Variants in PRICKLE2 observed in about 807,000 individuals in gnomAD.
PRICKLE2 encodes prickle planar cell polarity protein 2.
A neutral mutation model predicts 81.4 loss-of-function variants in PRICKLE2; 21 were observed. That is an observed-to-expected ratio of 0.26 (90% confidence interval 0.18 to 0.37). The LOEUF is 0.37. Among genes scored for constraint, PRICKLE2 ranks in the 10% least tolerant of loss-of-function variants. PRICKLE2 has a pLI of 1.00. For missense variants in PRICKLE2, 940 were observed against 1,109.0 expected (o/e 0.85, Z 2.16); for synonymous variants, 456 against 421.5 (o/e 1.08, Z -1.00).
intron 2 of PRICKLE2, among the ~76,000 whole-genome samples, chr3:64,249,960 G>A (rs1450262432): frequency 1.3e-5 from 2 of 152,230 alleles, no homozygotes. Flanking sequence ...TGGTTTGACA[G>A]AAGCTTAATG....
At chr3:64,231,328 A>C (rs1450198343) in intron 2 of PRICKLE2, among the ~76,000 whole-genome samples, 1 of 152,222 alleles carries the variant, frequency 6.6e-6, no homozygotes, top group Non-Finnish European at 1.5e-5. Flanking sequence ...GCACATTTCC[A>C]TGAAAATATT....
At chr3:64,220,431 G>C (rs979134813) in intron 1 of PRICKLE2, among the ~76,000 whole-genome samples, 6 of 152,166 alleles carry the variant, frequency 3.9e-5, no homozygotes, top group Non-Finnish European at 7.4e-5. Flanking sequence ...AGGCAGGCTG[G>C]GTGCTGGGTT....
chr3:64,130,736 A>G (rs954325549), intron 7 of PRICKLE2, among the ~76,000 whole-genome samples: 3 of 152,170 alleles, frequency 2.0e-5, no homozygotes, highest in Non-Finnish European at 4.4e-5. Context: ...TGGTAGAATT[A>G]TTGGACAATT....
chr3:64,215,150 T>C (rs1011319219), intron 1 of PRICKLE2, among the ~76,000 whole-genome samples: 1 of 152,148 alleles, frequency 6.6e-6, no homozygotes, highest in African/African-American at 2.4e-5. Flanking sequence ...CACAAACTCC[T>C]TAACCATAGC....
Position 64,092,607 on chromosome 3 carries a change from T to A in PRICKLE2, c.*6444A>T, listed in dbSNP as rs889579783. ...CTTGGTCCTGGCTCCCAGTCAGTGT[T>A]AATGCTGCCCTAACCAGAACACAGA... On this transcript the variant is annotated 3_prime_UTR_variant, in exon 8 of 8. Transcript: ENST00000638394. 3.3e-5 allele frequency: 5 copies of A among 152,240 alleles called. No homozygotes were observed. Among genetic ancestry groups the A allele is most frequent in the South Asian group, 4.1e-4 (2 of 4,838 alleles). 9.4% of individuals were successfully genotyped at this position (152,240 alleles called of 1,614,324 possible). A position where few individuals can be genotyped will look rare whatever the true frequency, so the allele number is the denominator to read the frequency against.
intron 2 of PRICKLE2, among the ~76,000 whole-genome samples, chr3:64,165,966 GTGTGTGTGTGTGTGTGTGTGTGTGTGT>G (rs2077823289): frequency 8.2e-6 from 1 of 121,316 alleles, no homozygotes; most frequent in South Asian, 2.4e-4. Flanking sequence ...TTATAAAGGT[GTGTGTGTGTGTGTGTGTGTGTGTGTGT>G]GTGTGTGTGT....
intron 2 of PRICKLE2, among the ~76,000 whole-genome samples, chr3:64,195,324 G>A (rs559631528): frequency 2.0e-4 from 30 of 152,218 alleles, no homozygotes; most frequent in African/African-American, 7.0e-4. Flanking sequence ...GTCCGTATTC[G>A]AGAACACTTC....
At chr3:64,221,698 G>T (rs570101156) in intron 1 of PRICKLE2, among the ~76,000 whole-genome samples, 1 of 152,260 alleles carries the variant, frequency 6.6e-6, no homozygotes, top group African/African-American at 2.4e-5. Flanking sequence ...AAGCACAAAA[G>T]AAAGTCTTTA....
chr3:64,247,077 T>C (rs943657951), intron 2 of PRICKLE2, among the ~76,000 whole-genome samples: 1 of 152,222 alleles, frequency 6.6e-6, no homozygotes, highest in Non-Finnish European at 1.5e-5. Context: ...AAACAGGTCA[T>C]GTGACTTGTC....
intron 7 of PRICKLE2, among the ~76,000 whole-genome samples, chr3:64,131,716 C>T (rs1224958456): frequency 1.3e-5 from 2 of 152,182 alleles, no homozygotes; most frequent in Admixed American, 6.5e-5. Context: ...TAAGAGTTCA[C>T]AGATATTTTT....
intron 2 of PRICKLE2, among the ~76,000 whole-genome samples, chr3:64,171,624 G>C (rs1027968493): frequency 6.6e-6 from 1 of 152,208 alleles, no homozygotes; most frequent in African/African-American, 2.4e-5. Context: ...ATAAGTGTTT[G>C]TTGAATGGAT....
intron 7 of PRICKLE2, among the ~76,000 whole-genome samples, chr3:64,127,973 T>G (rs1305712662): frequency 6.6e-6 from 1 of 152,040 alleles, no homozygotes; most frequent in Non-Finnish European, 1.5e-5. Flanking sequence ...AGGGCAGATT[T>G]ATTGAACAGC....
intron 1 of PRICKLE2, among the ~76,000 whole-genome samples, chr3:64,203,812 A>AC (rs1171931049): frequency 7.9e-6 from 1 of 126,074 alleles, no homozygotes; most frequent in Non-Finnish European, 1.6e-5. Flanking sequence ...CACTAAAAAT[A>AC]CAAAAAAAAA....
At chr3:64,264,153 A>G (rs2079659900) in intron 2 of PRICKLE2, among the ~76,000 whole-genome samples, 2 of 151,888 alleles carry the variant, frequency 1.3e-5, no homozygotes, top group Non-Finnish European at 2.9e-5. Context: ...TTGGAATTAG[A>G]CAGTTGTAGG....
At chr3:64,260,113 C>T (rs2079594733) in intron 2 of PRICKLE2, among the ~76,000 whole-genome samples, 1 of 152,170 alleles carries the variant, frequency 6.6e-6, no homozygotes, top group Non-Finnish European at 1.5e-5. Flanking sequence ...CTATGTCATG[C>T]TTATTGTCCC....
chr3:64,163,908 G>C (rs2077777012), intron 2 of PRICKLE2: 1 of 136,726 alleles, frequency 7.3e-6, no homozygotes, highest in African/African-American at 2.7e-5. Context: ...TAATACAGAA[G>C]GTATGTTATT....
intron 7 of PRICKLE2, among the ~76,000 whole-genome samples, chr3:64,143,950 A>ATTTT (rs34605013): frequency 9.1e-5 from 13 of 143,324 alleles, no homozygotes; most frequent in Non-Finnish European, 2.0e-4. Context: ...CCAAGGCCTC[A>ATTTT]TTTTTTTTTT....
chr3:64,249,480 T>A (rs2079411233), intron 2 of PRICKLE2, among the ~76,000 whole-genome samples: 1 of 152,186 alleles, frequency 6.6e-6, no homozygotes, highest in Non-Finnish European at 1.5e-5. Context: ...TGTAGTAGAC[T>A]TGCAAGATAT....
Position 64,098,676 on chromosome 3 carries a change from C to A in PRICKLE2, c.*375G>T. The A allele has an allele frequency of 4.0e-6, 1 of 249,656 alleles. No individual in the cohort carries two copies. Among genetic ancestry groups the A allele is most frequent in the Non-Finnish European group, 7.9e-6 (1 of 127,218 alleles). The allele number at this position is 249,656 out of a possible 1,614,324, so 15.5% of individuals were successfully genotyped here. ...TAAATAACTTAGTCTTGGGTCCTGG[C>A]TAATAAACAAATTACTTACTGAAAA... On this transcript the variant is annotated 3_prime_UTR_variant, in exon 8 of 8. Coordinates refer to ENST00000638394, the MANE Select transcript of PRICKLE2 (RefSeq NM_198859.4).
Sources: gnomAD v4.1 joint callset for allele counts (sites outside exome capture counted in the v4.1 genomes callset) on GRCh38, gnomAD v4.1.1 for gene constraint, MANE v1.5 for transcripts, NCBI Gene and HGNC (gene_info 2026-07-23, HGNC 2026-07-21) for gene names.